Variants in PRRC2B observed in about 807,000 individuals in gnomAD.
PRRC2B encodes the protein protein PRRC2B.
Under a neutral mutation model 242.3 loss-of-function variants are expected in PRRC2B, and 68 were observed. The ratio of observed to expected loss-of-function variants is 0.28; its 90% confidence interval spans 0.23 to 0.34. The LOEUF is 0.34. PRRC2B is among the 10% of genes least tolerant of loss of function. PRRC2B has a pLI of 1.00. For missense variants in PRRC2B, 2,835 were observed against 2,954.8 expected (o/e 0.96, Z 0.94); for synonymous variants, 1,228 against 1,173.6 (o/e 1.05, Z -0.95).
At chr9:131,436,228 G>A (rs1461630650) in intron 3 of PRRC2B, among the ~76,000 whole-genome samples, 1 of 152,170 alleles carries the variant, frequency 6.6e-6, no homozygotes, top group Non-Finnish European at 1.5e-5. Context: ...GGCCAGGCAA[G>A]GTGGCTCAAG....
chr9:131,450,718 G>C (rs1942888008), intron 9 of PRRC2B, among the ~76,000 whole-genome samples: 1 of 151,664 alleles, frequency 6.6e-6, no homozygotes, highest in South Asian at 2.1e-4. Flanking sequence ...CTTCCAAGTA[G>C]CTGGGATTAC....
At position 131,432,754 on chromosome 9, in the gene PRRC2B, A is replaced by G. The variant is rs1419911656; in HGVS notation, c.253A>G (p.Thr85Ala). 2 of 1,614,060 alleles carry G rather than the reference A, an allele frequency of 1.2e-6. No individual in the cohort carries two copies. The highest frequency in any genetic ancestry group is 1.3e-5 in the African/African-American group (1 of 75,066). The change falls in exon 3 of 32, where the codon ACG becomes GCG. Residue 85 changes from threonine to alanine, a missense_variant. By Grantham distance (58) the Thr-to-Ala change is moderately conservative (BLOSUM62 0). Transcript: ENST00000683519. ...CATCGTGATAGTACCCAAGGACGGG[A>G]CGGGATGGGCAAACAAGCAGGATCA... Reference protein sequence around the residue: ...PNIVIVPKDGTGWANKQDQQD... With the variant: ...PNIVIVPKDGAGWANKQDQQD...
intron 9 of PRRC2B, among the ~76,000 whole-genome samples, chr9:131,449,307 C>T (rs758440486): frequency 1.3e-5 from 2 of 152,100 alleles, no homozygotes; most frequent in African/African-American, 2.4e-5. Flanking sequence ...ATTTTACATT[C>T]CCAGCAGCAG....
chr9:131,396,175 C>T (rs984215919), intron 1 of PRRC2B, among the ~76,000 whole-genome samples: 2 of 151,990 alleles, frequency 1.3e-5, no homozygotes, highest in African/African-American at 2.4e-5. Flanking sequence ...TGTTTTCTCT[C>T]CATAGGAAGG....
chr9:131,432,950 T>C (rs1431081168), intron 3 of PRRC2B, among the ~76,000 whole-genome samples, 156 bp downstream of exon 3: 1 of 152,212 alleles, frequency 6.6e-6, no homozygotes, highest in African/African-American at 2.4e-5. Flanking sequence ...TGAAGCTGCT[T>C]CCTCTCTGGC....
intron 12 of PRRC2B, among the ~76,000 whole-genome samples, chr9:131,467,312 G>A (rs570990823): frequency 2.0e-5 from 3 of 152,270 alleles, no homozygotes; most frequent in South Asian, 4.2e-4. Context: ...GACCCTGGAC[G>A]TCATCTAACC....
intron 5 of PRRC2B, 90 bp downstream of exon 5, chr9:131,439,151 C>A: frequency 1.8e-6 from 2 of 1,117,164 alleles, no homozygotes; most frequent in South Asian, 1.3e-5. Flanking sequence ...TCTAGGCACC[C>A]AGAAGCTTTG....
chr9:131,477,981 A>T (rs774013157), intron 17 of PRRC2B, 32 bp downstream of exon 17: 2 of 1,596,152 alleles, frequency 1.3e-6, no homozygotes, highest in Admixed American at 3.3e-5. Context: ...AGGGGAAAGA[A>T]CTCAGGCAGA....
At chr9:131,374,032 CT>C (rs1463976834) in intron 1 of PRRC2B, among the ~76,000 whole-genome samples, 1 of 144,472 alleles carries the variant, frequency 6.9e-6, no homozygotes, top group Non-Finnish European at 1.5e-5. Flanking sequence ...GCACTCCAGC[CT>C]GGGCGACAGA....
chr9:131,452,968 T>G (rs1942967297), intron 9 of PRRC2B, among the ~76,000 whole-genome samples: 1 of 152,226 alleles, frequency 6.6e-6, no homozygotes, highest in South Asian at 2.1e-4. Context: ...GGCATTCAGA[T>G]CTTACTGTAT....
intron 1 of PRRC2B, among the ~76,000 whole-genome samples, chr9:131,426,416 A>G (rs943577158): frequency 6.6e-6 from 1 of 151,856 alleles, no homozygotes; most frequent in Non-Finnish European, 1.5e-5. Flanking sequence ...AAATCTTGCC[A>G]TGCCTTTCTT....
intron 1 of PRRC2B, among the ~76,000 whole-genome samples, chr9:131,404,318 C>T (rs1478428258): frequency 6.6e-6 from 1 of 150,490 alleles, no homozygotes; most frequent in Non-Finnish European, 1.5e-5. Flanking sequence ...CTCCTGGGTT[C>T]AAGCAATTCT....
intron 1 of PRRC2B, among the ~76,000 whole-genome samples, chr9:131,377,339 T>C (rs1219328117): frequency 6.6e-6 from 1 of 152,140 alleles, no homozygotes; most frequent in East Asian, 1.9e-4. Context: ...GGTCTCAATC[T>C]CCTAACCTCG....
intron 15 of PRRC2B, 68 bp downstream of exon 15, chr9:131,473,792 C>G (rs145030364): frequency 1.6e-6 from 2 of 1,245,742 alleles, no homozygotes; most frequent in South Asian, 2.6e-5. Flanking sequence ...TGAGAGGGCC[C>G]TGGGATGAGC....
At chr9:131,481,604 TGCAGGGGAG>T (rs999531356) in intron 19 of PRRC2B, 113 bp from the exon 20 acceptor site, 2 of 763,362 alleles carry the variant, frequency 2.6e-6, no homozygotes, top group Non-Finnish European at 4.5e-6. Context: ...GGGTGGCGGG[TGCAGGGGAG>T]GCAGGGGAGT....
At chr9:131,395,850 G>C (rs80148141) in intron 1 of PRRC2B, among the ~76,000 whole-genome samples, 6,916 of 152,280 alleles carry the variant, frequency 0.045, 237 homozygotes, top group Admixed American at 0.11. Context: ...CGGAGTGTGT[G>C]GCAGTTGGTC....
intron 6 of PRRC2B, among the ~76,000 whole-genome samples, chr9:131,444,571 GGTT>G (rs913096093): frequency 2.0e-5 from 3 of 152,082 alleles, no homozygotes; most frequent in Admixed American, 6.6e-5. Flanking sequence ...TCTGTCATCC[GGTT>G]GTTAATTTTG....
Position 131,487,652 on chromosome 9 carries a change from A to G in PRRC2B, c.5985-204A>G, listed in dbSNP as rs1460286432. ...ATGTCCTGTGCCTCGTACAGCCTGGATGTCTTCACTTGTTTAATCCAGCAG... is the reference window on the plus strand; with the variant it reads ...ATGTCCTGTGCCTCGTACAGCCTGGGTGTCTTCACTTGTTTAATCCAGCAG... On this transcript the variant is annotated intron_variant, in intron 27 of 31. Coordinates refer to ENST00000683519, the MANE Select transcript of PRRC2B (RefSeq NM_013318.4). This position sits in a 1 kb window ranked among gnomAD's most constrained non-coding sequence, Gnocchi z 5.3. Among the ~76,000 whole-genome samples, 14 of 151,956 alleles carry G rather than the reference A, an allele frequency of 9.2e-5. No homozygotes were observed.
At chr9:131,450,888 C>T (rs986157847) in intron 9 of PRRC2B, among the ~76,000 whole-genome samples, 5 of 152,056 alleles carry the variant, frequency 3.3e-5, no homozygotes, top group African/African-American at 1.2e-4. Context: ...ATGTCCAGTC[C>T]TTAATTTTGA....
Sources: gnomAD v4.1 joint callset for allele counts (sites outside exome capture counted in the v4.1 genomes callset) on GRCh38, gnomAD v4.1.1 for gene constraint, Gnocchi (gnomAD v3.1) non-coding constraint, MANE v1.5 for transcripts, NCBI Gene and HGNC (gene_info 2026-07-23, HGNC 2026-07-21) for gene names.